Variants in MRPL32 observed in about 807,000 individuals in gnomAD.
MRPL32 encodes large ribosomal subunit protein bL32m.
Under a neutral mutation model 21.7 loss-of-function variants are expected in MRPL32, and 14 were observed. The ratio of observed to expected loss-of-function variants is 0.64; its 90% confidence interval spans 0.43 to 1.01. The LOEUF (loss-of-function observed/expected upper bound fraction) is 1.01. Ranked by LOEUF, MRPL32 falls within the 50% of genes least tolerant of loss-of-function variation. MRPL32 has a pLI of 0.00. For missense variants in MRPL32, 211 were observed against 235.9 expected (o/e 0.89, Z 0.69); for synonymous variants, 83 against 87.7 (o/e 0.95, Z 0.30).
At chr7:42,936,473 C>T (rs888873521) in intron 2 of MRPL32, 1 of 152,098 alleles carries the variant, frequency 6.6e-6, no homozygotes, top group African/African-American at 2.4e-5. Context: ...CTCTTTCTTC[C>T]TTTCAGAAAA....
At position 42,935,006 on chromosome 7, in the gene MRPL32, A is replaced by G. The variant is rs774225160; in HGVS notation, c.182A>G (p.Asp61Gly). The G allele has an allele frequency of 6.2e-7, 1 of 1,614,022 alleles. No individual in the cohort carries two copies. Among genetic ancestry groups the G allele is most frequent in the Non-Finnish European group, 8.5e-7 (1 of 1,179,982 alleles). ...GCCATGTTTACAGAGCCAGCAAATG[A>G]TACCAGTGGAAGTAAAGAGAATTCC... ...GPAMFTEPAN[D>G]TSGSKENSSL... Residue 61 changes from aspartate (D) to glycine (G), a missense_variant, in exon 2 of 3, where the codon GAT becomes GGT. Transcript: ENST00000223324.
rs925267935 is a variant in MRPL32 at position 42,937,768 on chromosome 7, C to T, written c.*192C>T. 4 of 486,134 alleles carry T rather than the reference C, an allele frequency of 8.2e-6. No homozygotes were observed. Among genetic ancestry groups the T allele is most frequent in the African/African-American group, 5.9e-5 (3 of 51,084 alleles). 30.1% of individuals were successfully genotyped at this position (486,134 alleles called of 1,614,324 possible). On this transcript the variant is annotated 3_prime_UTR_variant, in exon 3 of 3. Coordinates refer to ENST00000223324, the MANE Select transcript of MRPL32 (RefSeq NM_031903.3). ...CGAAAATTTTGTTTATCCAAAGGCT[C>T]AATGGATTATGTTTCTATTATATAC...
intron 1 of MRPL32, among the ~76,000 whole-genome samples, chr7:42,934,037 G>A (rs924280197): frequency 1.3e-5 from 2 of 152,178 alleles, no homozygotes; most frequent in African/African-American, 4.8e-5. Context: ...GGGAGGCCAA[G>A]GTGGGTCCAT....
In MRPL32 at chr7:42,937,744, G is replaced by A. The variant is rs981028237; in HGVS notation, c.*168G>A. The A allele has an allele frequency of 1.6e-5, 10 of 638,998 alleles. No homozygotes were observed. Among genetic ancestry groups the A allele is most frequent in the Non-Finnish European group, 2.4e-5 (10 of 417,766 alleles). The allele number at this position is 638,998 out of a possible 1,614,324, so 39.6% of individuals were successfully genotyped here. On this transcript the variant is annotated 3_prime_UTR_variant, in exon 3 of 3. Transcript: ENST00000223324. ...GAAGAATATATTATGAGTAAACTCC[G>A]AAAATTTTGTTTATCCAAAGGCTCA... is the stretch of plus-strand genomic sequence containing the variant.
intron 2 of MRPL32, chr7:42,936,054 C>T (rs1371211302): frequency 6.6e-6 from 1 of 152,226 alleles, no homozygotes; most frequent in East Asian, 1.9e-4. Flanking sequence ...TAAGCATCCA[C>T]ATTCTGTTAA....
intron 2 of MRPL32, chr7:42,935,706 A>G (rs1273089117): frequency 6.6e-6 from 1 of 152,228 alleles, no homozygotes; most frequent in Non-Finnish European, 1.5e-5. Context: ...CAAATAAGAT[A>G]TTCTTCATTA....
At chr7:42,932,633 G>A (rs1786343223) in intron 1 of MRPL32, 117 bp downstream of exon 1, 2 of 1,167,750 alleles carry the variant, frequency 1.7e-6, no homozygotes, top group Non-Finnish European at 2.3e-6. Flanking sequence ...GCCTCATGTC[G>A]GGGACGTAGT....
intron 2 of MRPL32, 35 bp from the exon 3 acceptor site, chr7:42,937,287 C>T: frequency 6.2e-7 from 1 of 1,612,366 alleles, no homozygotes; most frequent in Non-Finnish European, 8.5e-7. Context: ...TATATTGCCT[C>T]ATGTTAAAAT....
Position 42,937,609 on chromosome 7 carries a change from A to G in MRPL32, c.*33A>G, listed in dbSNP as rs1310206511. ...GATGTTAAAAGGGTAACTTCACAGT[A>G]AATCATTTCTCCTGAAATAGAGGAA... is the stretch of plus-strand genomic sequence containing the variant. On this transcript the variant is annotated 3_prime_UTR_variant, in exon 3 of 3. Coordinates refer to ENST00000223324, the MANE Select transcript of MRPL32 (RefSeq NM_031903.3). 1 of 1,558,540 alleles carries G rather than the reference A, an allele frequency of 6.4e-7. No individual in the cohort carries two copies. Among genetic ancestry groups the G allele is most frequent in the African/African-American group, 1.4e-5 (1 of 72,842 alleles).
intron 1 of MRPL32, among the ~76,000 whole-genome samples, chr7:42,933,585 A>G (rs1181926943): frequency 1.3e-5 from 2 of 150,298 alleles, no homozygotes; most frequent in African/African-American, 4.9e-5. Context: ...TCTGTTTCCC[A>G]TGTTTCACTT....
rs371791452 is a variant in MRPL32 at position 42,937,491 on chromosome 7, C to T, written c.482C>T (p.Thr161Met). ...ACCATAGAGACTGTGGTGCTGTACACGGGAGAGACACCGTCTGAACAAGAT... is the reference window on the plus strand; with the variant it reads ...ACCATAGAGACTGTGGTGCTGTACATGGGAGAGACACCGTCTGAACAAGAT... ...APTIETVVLY[T>M]GETPSEQDQG... The change falls in exon 3 of 3, where the codon ACG (threonine) becomes ATG (methionine). Residue 161 changes from threonine (T) to methionine (M), a missense_variant. Thr to Met is a moderately conservative substitution (Grantham distance 81). Transcript: ENST00000223324. 3.7e-6 allele frequency: 6 copies of T among 1,613,936 alleles called. No individual in the cohort carries two copies. In the African/African-American group the frequency reaches 4.0e-5, roughly 11 times the overall value.
At chr7:42,932,783 A>G (rs1316739002) in intron 1 of MRPL32, among the ~76,000 whole-genome samples, 1 of 149,638 alleles carries the variant, frequency 6.7e-6, no homozygotes, top group Non-Finnish European at 1.5e-5. Context: ...GATAAATCAT[A>G]GCCAGCCAGT....
rs1562706971 is a variant in MRPL32 at position 42,937,367 on chromosome 7, CAT to C, written c.359_360del (p.His120ArgfsTer8). On this transcript the variant is annotated frameshift_variant, in exon 3 of 3. Coordinates refer to ENST00000223324, the MANE Select transcript of MRPL32 (RefSeq NM_031903.3). LOFTEE classifies it high-confidence loss of function. ...TGAATGTGGTCACCTGAAACAGAAA[CAT>C]GTCCTTTGTGCCTACTGCTATGAAA... ...CPECGHLKQK[H>X]VLCAYCYEKV... 1.2e-6 allele frequency: 2 copies of C among 1,614,168 alleles called. No homozygotes were observed. Among genetic ancestry groups the C allele is most frequent in the Non-Finnish European group, 1.7e-6 (2 of 1,180,028 alleles).
chr7:42,933,272 G>A (rs1786362821), intron 1 of MRPL32, among the ~76,000 whole-genome samples: 1 of 152,000 alleles, frequency 6.6e-6, no homozygotes, highest in Non-Finnish European at 1.5e-5. Flanking sequence ...AGGGGGGGCC[G>A]AGGTCATCCT....
At chr7:42,936,703 T>TATATAC (rs1252981765) in intron 2 of MRPL32, 2 of 150,054 alleles carry the variant, frequency 1.3e-5, no homozygotes, top group East Asian at 1.9e-4. Flanking sequence ...TATATATATA[T>TATATAC]ACACACACAT....
chr7:42,934,848 T>TTG (rs754229684), intron 1 of MRPL32, 107 bp from the exon 2 acceptor site: 1 of 728,136 alleles, frequency 1.4e-6, no homozygotes, highest in African/African-American at 1.8e-5. Flanking sequence ...TATATAGTTT[T>TTG]TGTGTGTGTG....
intron 1 of MRPL32, among the ~76,000 whole-genome samples, chr7:42,933,468 T>C (rs1301674081): frequency 5.6e-5 from 8 of 143,700 alleles, no homozygotes; most frequent in Admixed American, 2.9e-4. Context: ...GCTTCCCCTC[T>C]CCCCCCTCTC....
rs760838915 is a variant in MRPL32, at chr7:42,932,398, C to T, written c.12C>T (p.Ala4=). The part of the protein sequence containing the change: MAL[A]MLVLVVSPWS... ...TTCCAGCAGGGAAAATGGCGCTGGC[C>T]ATGCTGGTCTTGGTGGTTTCGCCGT... is the stretch of plus-strand genomic sequence containing the variant. Residue 4 remains alanine (A), a synonymous_variant, in exon 1 of 3, where the codon GCC becomes GCT. Transcript: ENST00000223324. 2 of 1,609,284 alleles carry T rather than the reference C, an allele frequency of 1.2e-6. No individual in the cohort carries two copies. Among genetic ancestry groups the T allele is most frequent in the Non-Finnish European group, 8.5e-7 (1 of 1,176,924 alleles).
chr7:42,932,634 G>C, intron 1 of MRPL32, 118 bp downstream of exon 1: 1 of 1,151,266 alleles, frequency 8.7e-7, no homozygotes, highest in Non-Finnish European at 1.2e-6. Context: ...CCTCATGTCG[G>C]GGACGTAGTT....
Sources: allele counts gnomAD v4.1 joint callset (sites outside exome capture counted in the v4.1 genomes callset), GRCh38; gene constraint gnomAD v4.1.1; transcripts MANE v1.5; gene names NCBI Gene and HGNC (gene_info 2026-07-23, HGNC 2026-07-21).